MUC4: variants seen among roughly 807,000 people sequenced by gnomAD.
MUC4 encodes the protein mucin-4.
In MUC4, 202 loss-of-function variants were observed where a neutral mutation model predicts 257.9. That is an observed-to-expected ratio of 0.78 (90% confidence interval 0.70 to 0.88). The LOEUF (loss-of-function observed/expected upper bound fraction) is 0.88, where lower values mean the gene tolerates loss of function less well. Ranked by LOEUF, MUC4 falls within the 40% of genes least tolerant of loss-of-function variation. MUC4 has a pLI of 0.00. For synonymous variants in MUC4, 2,351 were observed against 2,757.1 expected (o/e 0.85, Z 4.62); for missense variants, 5,976 against 6,513.7 (o/e 0.92, Z 2.84).
At position 195,810,563 on chromosome 3, in the gene MUC4, G is replaced by A. The variant is rs114440030; in HGVS notation, c.82+1173C>T. Among the ~76,000 whole-genome samples, 2,067 of 152,216 alleles carry A rather than the reference G, an allele frequency of 0.014. 50 individuals carry two copies. The highest frequency in any genetic ancestry group is 0.047 in the African/African-American group (1,944 of 41,522). On this transcript the variant is annotated intron_variant, in intron 1 of 24. Transcript: ENST00000463781. This position sits in a 1 kb window ranked among gnomAD's most constrained non-coding sequence, Gnocchi z 4.2. The stretch of plus-strand genomic sequence containing the variant: ...CACGGAGGAGCCCAAGGCCAATGCC[G>A]GGGCTACGAGCCCCAGGCAAGGCCG...
chr3:195,796,971 G>A (rs749362781), intron 1 of MUC4, among the ~76,000 whole-genome samples: 14 of 152,216 alleles, frequency 9.2e-5, no homozygotes, highest in Non-Finnish European at 1.3e-4. Flanking sequence ...GGCCGGGCGC[G>A]GCGGCTCACG....
chr3:195,748,708 G>A (rs1715686271), intron 24 of MUC4, among the ~76,000 whole-genome samples, 194 bp downstream of exon 24: 1 of 152,272 alleles, frequency 6.6e-6, no homozygotes, highest in Non-Finnish European at 1.5e-5. Context: ...TGGCTCTTTT[G>A]GGTTTCAGAG....
intron 3 of MUC4, among the ~76,000 whole-genome samples, 172 bp from the exon 4 acceptor site, chr3:195,774,477 T>C (rs1284831710): frequency 6.6e-6 from 1 of 152,164 alleles, no homozygotes; most frequent in East Asian, 1.9e-4. Flanking sequence ...CCACATTAAA[T>C]GCATGTGGTC....
intron 1 of MUC4, among the ~76,000 whole-genome samples, chr3:195,794,455 C>G (rs1301054318): frequency 1.3e-5 from 2 of 152,034 alleles, no homozygotes; most frequent in Non-Finnish European, 2.9e-5. Context: ...TTCTGTCACC[C>G]AGGCTGAAGT....
At position 195,788,569 on chromosome 3, in the gene MUC4, C is replaced by T. The variant is rs762581936; in HGVS notation, c.3011G>A (p.Gly1004Asp). The change falls in exon 2 of 25, where the codon GGT (glycine) becomes GAT (aspartate). Residue 1004 changes from glycine (G) to aspartate (D), a missense_variant. Gly to Asp is a moderately conservative substitution (Grantham distance 94). Around this residue, in one of 44 missense-constraint regions of MUC4, gnomAD observed 1,583 missense variants for 1,257.4 expected, o/e 1.26. Transcript: ENST00000463781. Reference protein sequence around the residue: ...HVTDASSVSTGHATPLPVTSP... With the variant: ...HVTDASSVSTDHATPLPVTSP... ...GGTGACAGGAAGAGGGGTGGCGTGACCTGTGGATACTGAGGAAGCATCGGT... is the reference window on the plus strand; with the variant it reads ...GGTGACAGGAAGAGGGGTGGCGTGATCTGTGGATACTGAGGAAGCATCGGT... 3 of 1,560,488 alleles carry T rather than the reference C, an allele frequency of 1.9e-6. No homozygotes were observed. The highest frequency in any genetic ancestry group is 1.2e-5 in the South Asian group (1 of 84,730).
intron 15 of MUC4, 146 bp from the exon 16 acceptor site, chr3:195,761,263 C>T: frequency 1.3e-6 from 1 of 784,796 alleles, no homozygotes; most frequent in Admixed American, 2.4e-5. Context: ...AGTCTAGAAA[C>T]ACCTGCTGCA....
At position 195,786,432 on chromosome 3, in the gene MUC4, G is replaced by C. The variant is rs1304430391; in HGVS notation, c.5148C>G (p.Thr1716=). The C allele has an allele frequency of 6.5e-7, 1 of 1,533,108 alleles. No homozygotes were observed. Among genetic ancestry groups the C allele is most frequent in the East Asian group, 2.5e-5 (1 of 40,238 alleles). 95.0% of individuals were successfully genotyped at this position (1,533,108 alleles called of 1,614,324 possible). ...STGQATPLPV[T]SLSSVSTGDT... ...CACCTGTGGATACTGAGGAAAGGCT[G>C]GTGACAGGAAGAGGGGTGGCCTGAC... The change falls in exon 2 of 25, where the codon ACC becomes ACG. Residue 1716 remains threonine (T), a synonymous_variant. Coordinates refer to ENST00000463781, the MANE Select transcript of MUC4 (RefSeq NM_018406.7).
chr3:195,796,455 G>C (rs893669587), intron 1 of MUC4, among the ~76,000 whole-genome samples: 1 of 152,188 alleles, frequency 6.6e-6, no homozygotes, highest in Non-Finnish European at 1.5e-5. Flanking sequence ...GCTCACGCCT[G>C]TAATCCTAAC....
intron 13 of MUC4, among the ~76,000 whole-genome samples, chr3:195,762,523 C>CACGCACCGGGCCCTGCACCGCA (rs1396741295): frequency 2.7e-5 from 4 of 145,888 alleles, no homozygotes; most frequent in African/African-American, 1.1e-4. Context: ...CCTGCACCGC[C>CACGCACCGGGCCCTGCACCGCA]ACGCACCGGG....
rs371956046 is a variant in MUC4 at position 195,750,987 on chromosome 3, T to C, written c.15773A>G (p.Glu5258Gly). 1.7e-5 allele frequency: 28 copies of C among 1,613,680 alleles called. No homozygotes were observed. The highest frequency in any genetic ancestry group is 2.1e-5 in the Non-Finnish European group (25 of 1,179,984). Reference protein sequence around the residue: ...LNNQLLAAVVEAFLYHVPRRS... With the variant: ...LNNQLLAAVVGAFLYHVPRRS... ...CCGTGGAACGTGGTATAAGAACGCC[T>C]CCACCACCGCGGCCAGCAGCTGGTT... The change falls in exon 23 of 25, where the codon GAG becomes GGG. Residue 5258 changes from glutamate (E) to glycine (G), a missense_variant. Coordinates refer to ENST00000463781, the MANE Select transcript of MUC4 (RefSeq NM_018406.7).
intron 3 of MUC4, among the ~76,000 whole-genome samples, chr3:195,775,544 G>C (rs867250483): frequency 2.7e-4 from 11 of 40,762 alleles, no homozygotes; most frequent in East Asian, 9.1e-4. Context: ...ACCTTCCACA[G>C]TCATACCTTC....
At position 195,782,940 on chromosome 3, in the gene MUC4, AGGGGT is replaced by A. The variant is rs1729029918; in HGVS notation, c.8635_8639del (p.Thr2879SerfsTer29). 2 of 1,508,068 alleles carry A rather than the reference AGGGGT, an allele frequency of 1.3e-6. No homozygotes were observed. Among genetic ancestry groups the A allele is most frequent in the Admixed American group, 2.1e-5 (1 of 48,238 alleles). 93.4% of individuals were successfully genotyped at this position (1,508,068 alleles called of 1,614,324 possible). The stretch of plus-strand genomic sequence containing the variant: ...CTGAGGAAGCGTCGGTGACAGGAAG[AGGGGT>A]GGCATGACCTGTGGACACTGAGGAA... On this transcript the variant is annotated frameshift_variant, in exon 2 of 25. Transcript: ENST00000463781. LOFTEE classifies it high-confidence loss of function.
Position 195,788,790 on chromosome 3 carries a change from G to A in MUC4, c.2790C>T (p.Asp930=). Residue 930 remains aspartate, a synonymous_variant, in exon 2 of 25, where the codon GAC becomes GAT. Transcript: ENST00000463781. ...DTISLASQAT[D]TFSTVPPTPP... The stretch of plus-strand genomic sequence containing the variant: ...GTGTGGGTGGGACTGTTGAGAAGGT[G>A]TCGGTTGCCTGGGACGCCAGGCTGA... The A allele has an allele frequency of 6.2e-7, 1 of 1,613,934 alleles. No homozygotes were observed. Among genetic ancestry groups the A allele is most frequent in the Non-Finnish European group, 8.5e-7 (1 of 1,179,862 alleles).
intron 1 of MUC4, among the ~76,000 whole-genome samples, chr3:195,808,898 G>T (rs1328602439): frequency 6.6e-6 from 1 of 152,160 alleles, no homozygotes; most frequent in Non-Finnish European, 1.5e-5. Context: ...TAGACCGGGG[G>T]TTCTCCGAGG....
chr3:195,779,561 A>C lies in MUC4; in HGVS notation c.12019T>G (p.Ser4007Ala). The change falls in exon 2 of 25, where the codon TCC becomes GCC. Residue 4007 changes from serine (S) to alanine (A), a missense_variant. Physicochemically the swap from Ser to Ala is moderately conservative, Grantham distance 99 (BLOSUM62 1). This residue lies in a region of MUC4 where 293 missense variants were observed against 294.5 expected (regional missense o/e 1.00). Transcript: ENST00000463781. ...HATPLPVTST[S>A]SVSTGHATPL... Reference sequence around the variant, plus strand: ...GTGGCGTGACCTGTAGATACTGAGGAAGTGCTGGTGACAGGAAGAGGGGTG... The same window carrying C: ...GTGGCGTGACCTGTAGATACTGAGGCAGTGCTGGTGACAGGAAGAGGGGTG... The C allele has an allele frequency of 1.4e-6, 2 of 1,394,198 alleles. No homozygotes were observed. The highest frequency in any genetic ancestry group is 1.9e-6 in the Non-Finnish European group (2 of 1,042,664). 86.4% of individuals were successfully genotyped at this position (1,394,198 alleles called of 1,614,324 possible). A position where few individuals can be genotyped will look rare whatever the true frequency, so the allele number is the denominator to read the frequency against.
chr3:195,759,918 A>AACACACACACACACACGCACGCACAC (rs11283958), intron 16 of MUC4, among the ~76,000 whole-genome samples: 13 of 149,738 alleles, frequency 8.7e-5, no homozygotes, highest in Non-Finnish European at 1.8e-4. Context: ...AAACTCCGTC[A>AACACACACACACACACGCACGCACAC]ACACACACAC....
chr3:195,746,887 T>C lies in MUC4; in HGVS notation c.*289A>G. ...GGGCCATCACCACATTATGAACTCG[T>C]GTGTGTGTGTGTGTGTGTGCACGCG... is the stretch of plus-strand genomic sequence containing the variant. On this transcript the variant is annotated 3_prime_UTR_variant, in exon 25 of 25. Coordinates refer to ENST00000463781, the MANE Select transcript of MUC4 (RefSeq NM_018406.7). The C allele has an allele frequency of 2.6e-6, 1 of 379,104 alleles. No individual in the cohort carries two copies. Among genetic ancestry groups the C allele is most frequent in the Non-Finnish European group, 4.8e-6 (1 of 206,580 alleles). 23.5% of individuals were successfully genotyped at this position (379,104 alleles called of 1,614,324 possible). A position where few individuals can be genotyped will look rare whatever the true frequency, so the allele number is the denominator to read the frequency against.
chr3:195,751,107 G>A lies in MUC4; in HGVS notation c.15653C>T (p.Ser5218Phe). 1 of 1,361,624 alleles carries A rather than the reference G, an allele frequency of 7.3e-7. No homozygotes were observed. Among genetic ancestry groups the A allele is most frequent in the Non-Finnish European group, 9.8e-7 (1 of 1,024,022 alleles). The allele number at this position is 1,361,624 out of a possible 1,614,324, so 84.3% of individuals were successfully genotyped here. ...GGGGCTTCCCGAGGCCGGTGCTGCAGAATCGCTGTGTGGGAGGGCAACGGT... is the reference window on the plus strand; with the variant it reads ...GGGGCTTCCCGAGGCCGGTGCTGCAAAATCGCTGTGTGGGAGGGCAACGGT... ...LRNSQVERID[S>F]AAPASGSPIQ... Residue 5218 changes from serine to phenylalanine, a missense_variant, in exon 23 of 25, where the codon TCT (serine) becomes TTT (phenylalanine). Physicochemically the swap from Ser to Phe is radical, Grantham distance 155. Coordinates refer to ENST00000463781, the MANE Select transcript of MUC4 (RefSeq NM_018406.7).
intron 16 of MUC4, among the ~76,000 whole-genome samples, chr3:195,760,509 A>G (rs4561863): frequency 0.24 from 6,533 of 27,464 alleles, 1,201 homozygotes; most frequent in East Asian, 0.49. Context: ...CTGGGAAGGC[A>G]TCCAGCGCTA....
Sources: gnomAD v4.1 joint callset for allele counts (sites outside exome capture counted in the v4.1 genomes callset) on GRCh38, gnomAD v4.1.1 for gene constraint, gnomAD v4.1.1 regional missense constraint, Gnocchi (gnomAD v3.1) non-coding constraint, MANE v1.5 for transcripts, NCBI Gene and HGNC (gene_info 2026-07-23, HGNC 2026-07-21) for gene names.